Variants in SDHA observed in about 807,000 individuals in gnomAD.
The protein encoded by SDHA is succinate dehydrogenase [ubiquinone] flavoprotein subunit, mitochondrial.
Under a neutral mutation model 78.4 loss-of-function variants are expected in SDHA, and 48 were observed. The observed-to-expected ratio is 0.61, with a 90% CI of 0.49 to 0.78. The LOEUF is 0.78. SDHA is among the 30% of genes least tolerant of loss of function. SDHA has a pLI of 0.00. For synonymous variants in SDHA, 326 were observed against 353.9 expected (o/e 0.92, Z 0.88); for missense variants, 680 against 892.7 (o/e 0.76, Z 3.04).
chr5:225,391 G>C lies in SDHA; in HGVS notation c.313-28G>C, dbSNP rs775651866. ...GACAAAGTTGGCGCTCCTGTTTGTG[G>C]CTTGTAAGGAGTGGTTGGTGTTTCC... On this transcript the variant is annotated intron_variant, in intron 3 of 14. Transcript: ENST00000264932. 17 of 1,611,932 alleles carry C rather than the reference G, an allele frequency of 1.1e-5. No individual in the cohort carries two copies. The African/African-American group carries it at 2.0e-4, about 19-fold the overall frequency.
At chr5:232,421 G>A (rs1350016484) in intron 7 of SDHA, among the ~76,000 whole-genome samples, 5 of 152,092 alleles carry the variant, frequency 3.3e-5, no homozygotes, top group African/African-American at 4.8e-5. Flanking sequence ...GGATGTCACC[G>A]TTTTGCCCAG....
rs1319662111 is a variant in SDHA, at chr5:256,995, G to C, written c.*575G>C. Among the ~76,000 whole-genome samples, 1 of 148,070 alleles carries C rather than the reference G, an allele frequency of 6.8e-6. No homozygotes were observed. The highest frequency in any genetic ancestry group is 1.5e-5 in the Non-Finnish European group (1 of 67,530). On this transcript the variant is annotated 3_prime_UTR_variant, in exon 15 of 15. Transcript: ENST00000264932. ...CATTTATTTTGTAATTGTAGGGACAGGGTCTCACTGTGTTGCCTAGGCTGG... is the reference window on the plus strand; with the variant it reads ...CATTTATTTTGTAATTGTAGGGACACGGTCTCACTGTGTTGCCTAGGCTGG...
intron 1 of SDHA, among the ~76,000 whole-genome samples, chr5:221,120 A>G (rs1285878361): frequency 1.3e-5 from 2 of 152,160 alleles, no homozygotes; most frequent in East Asian, 1.9e-4. Flanking sequence ...GCCGAACTGT[A>G]TTTTAAGTAT....
the SDHA span, among the ~76,000 whole-genome samples, chr5:268,262 A>C: frequency 6.6e-6 from 1 of 151,306 alleles, no homozygotes; most frequent in Non-Finnish European, 1.5e-5. Flanking sequence ...GGCTCACTGC[A>C]AGCTCCGCCT....
chr5:230,508 C>A (rs1735330554), intron 6 of SDHA, among the ~76,000 whole-genome samples: 1 of 152,132 alleles, frequency 6.6e-6, no homozygotes, highest in Non-Finnish European at 1.5e-5. Context: ...ACACTGTAAT[C>A]CCAGCTACTC....
Position 252,365 on chromosome 5 carries a change from A to G in SDHA, c.1794+897A>G, listed in dbSNP as rs112793128. ...TTTATTAAATAAGGAGTAAGCCACC[A>G]TTTCAAGCCTGCCCTGTGGAGGAAA... On this transcript the variant is annotated intron_variant, in intron 13 of 14. Transcript: ENST00000264932. 2.2e-3 allele frequency among the ~76,000 whole-genome samples: 156 copies of G among 71,390 alleles called. 1 individual carries two copies. Among genetic ancestry groups the G allele is most frequent in the Middle Eastern group, 0.012 (1 of 84 alleles). The allele number at this position is 71,390 out of a possible 152,430, so 46.8% of individuals were successfully genotyped here.
intron 1 of SDHA, among the ~76,000 whole-genome samples, chr5:218,905 G>C (rs1734547318): frequency 6.6e-6 from 1 of 152,198 alleles, no homozygotes; most frequent in East Asian, 1.9e-4. Flanking sequence ...CGGGGCGGGT[G>C]AGACCGCCCG....
intron 9 of SDHA, 108 bp downstream of exon 9, chr5:235,447 A>G: frequency 9.2e-7 from 1 of 1,083,730 alleles, no homozygotes; most frequent in South Asian, 1.3e-5. Context: ...TGTTTCCTTC[A>G]AGAAAGTACT....
At chr5:246,719 C>G (rs1447632266) in intron 11 of SDHA, among the ~76,000 whole-genome samples, 1 of 152,148 alleles carries the variant, frequency 6.6e-6, no homozygotes, top group East Asian at 1.9e-4. Flanking sequence ...ACTCCACATT[C>G]AGCTACTGGT....
At chr5:264,648 G>T in the SDHA span, among the ~76,000 whole-genome samples, 1 of 152,208 alleles carries the variant, frequency 6.6e-6, no homozygotes, top group Non-Finnish European at 1.5e-5. Flanking sequence ...GCTGGGCTAG[G>T]CAGCATCACA....
the SDHA span, among the ~76,000 whole-genome samples, chr5:263,723 T>C: frequency 2.2e-3 from 330 of 152,380 alleles, no homozygotes; most frequent in African/African-American, 7.4e-3. Flanking sequence ...GCTTTGTTTA[T>C]GAAGCTGTGG....
chr5:238,126 G>A (rs1237276430), intron 10 of SDHA, among the ~76,000 whole-genome samples: 3 of 151,212 alleles, frequency 2.0e-5, no homozygotes, highest in Non-Finnish European at 4.4e-5. Context: ...AGCATCTCAC[G>A]CAGAATGCTG....
chr5:219,853 A>G (rs1734614030), intron 1 of SDHA, among the ~76,000 whole-genome samples: 1 of 151,558 alleles, frequency 6.6e-6, no homozygotes, highest in Admixed American at 6.6e-5. Context: ...ACGGGATGGC[A>G]AGATAGCAAA....
At chr5:246,412 C>T (rs907827393) in intron 11 of SDHA, among the ~76,000 whole-genome samples, 1 of 129,498 alleles carries the variant, frequency 7.7e-6, no homozygotes, top group African/African-American at 3.1e-5. Flanking sequence ...AAGCCCAAAT[C>T]AATAGAATCG....
chr5:266,413 A>T, the SDHA span, among the ~76,000 whole-genome samples: 1 of 152,100 alleles, frequency 6.6e-6, no homozygotes, highest in Non-Finnish European at 1.5e-5. Context: ...CTGCTTAGGA[A>T]CCCAAAACAA....
Position 224,499 on chromosome 5 carries a change from G to C in SDHA, c.290G>C (p.Arg97Thr), listed in dbSNP as rs371274523. The change falls in exon 3 of 15, where the codon AGG becomes ACG. Residue 97 changes from arginine to threonine, a missense_variant. Physicochemically the swap from Arg to Thr is moderately conservative, Grantham distance 71. Transcript: ENST00000264932. ...TGTGTTACCAAGCTGTTTCCTACCAGGTCACACACTGTTGCAGCACAGGTA... is the reference window on the plus strand; with the variant it reads ...TGTGTTACCAAGCTGTTTCCTACCACGTCACACACTGTTGCAGCACAGGTA... The part of the protein sequence containing the change: ...TACVTKLFPT[R>T]SHTVAAQGGI... 19 of 1,612,786 alleles carry C rather than the reference G, an allele frequency of 1.2e-5. No homozygotes were observed. The African/African-American group carries it at 2.4e-4, about 20-fold the overall frequency.
chr5:246,680 A>T (rs1427067806), intron 11 of SDHA, among the ~76,000 whole-genome samples: 2 of 151,936 alleles, frequency 1.3e-5, no homozygotes, highest in African/African-American at 4.8e-5. Flanking sequence ...TGGACTCTAG[A>T]GAAGGCTCTA....
intron 14 of SDHA, among the ~76,000 whole-genome samples, chr5:255,604 G>A (rs1366924905): frequency 6.6e-6 from 1 of 151,890 alleles, no homozygotes; most frequent in East Asian, 1.9e-4. Flanking sequence ...CACCATGCCT[G>A]GCTAATTTTT....
intron 10 of SDHA, among the ~76,000 whole-genome samples, chr5:239,657 C>G (rs1239117893): frequency 6.6e-6 from 1 of 152,136 alleles, no homozygotes; most frequent in Non-Finnish European, 1.5e-5. Context: ...CACCTTCCCC[C>G]CGCTGATGTG....
Sources: gnomAD v4.1 joint callset for allele counts (sites outside exome capture counted in the v4.1 genomes callset) on GRCh38, gnomAD v4.1.1 for gene constraint, MANE v1.5 for transcripts, NCBI Gene and HGNC (gene_info 2026-07-23, HGNC 2026-07-21) for gene names.